Variants in UIMC1 observed in about 807,000 individuals in gnomAD.
The protein encoded by UIMC1 is BRCA1-A complex subunit RAP80.
Under a neutral mutation model 84.9 loss-of-function variants are expected in UIMC1, and 42 were observed. The ratio of observed to expected loss-of-function variants is 0.49; its 90% CI spans 0.39 to 0.64. The LOEUF is 0.64. Among genes scored for constraint, UIMC1 ranks in the 30% least tolerant of loss-of-function variants. The pLI is 0.00. For synonymous variants in UIMC1, 281 were observed against 293.0 expected (o/e 0.96, Z 0.42); for missense variants, 825 against 847.6 (o/e 0.97, Z 0.33).
chr5:176,909,193 T>A (rs1283280202), intron 11 of UIMC1, among the ~76,000 whole-genome samples: 1 of 152,242 alleles, frequency 6.6e-6, no homozygotes, highest in Non-Finnish European at 1.5e-5. Context: ...CAACATCAAC[T>A]AAGAAGTTAC....
At chr5:176,927,944 T>C (rs904434076) in intron 10 of UIMC1, among the ~76,000 whole-genome samples, 2 of 151,198 alleles carry the variant, frequency 1.3e-5, no homozygotes, top group Non-Finnish European at 2.9e-5. Flanking sequence ...CTCTGACTCC[T>C]GGGTTCACGT....
At chr5:176,912,502 CA>C (rs1760365269) in intron 10 of UIMC1, among the ~76,000 whole-genome samples, 1 of 142,194 alleles carries the variant, frequency 7.0e-6, no homozygotes, top group African/African-American at 2.6e-5. Flanking sequence ...GACATAGTCT[CA>C]CTCTTCTTGC....
intron 10 of UIMC1, among the ~76,000 whole-genome samples, chr5:176,937,121 A>G (rs765512067): frequency 6.6e-6 from 1 of 152,194 alleles, no homozygotes; most frequent in Non-Finnish European, 1.5e-5. Flanking sequence ...CATTTTCCAG[A>G]AAGTAAATGC....
intron 10 of UIMC1, among the ~76,000 whole-genome samples, chr5:176,913,919 G>A (rs1232317945): frequency 1.3e-5 from 2 of 152,220 alleles, no homozygotes; most frequent in Non-Finnish European, 2.9e-5. Flanking sequence ...TGAGGCTGCA[G>A]TGAGCTGAGA....
rs371276909 is a variant in UIMC1 at position 176,969,133 on chromosome 5, C to A, written c.622G>T (p.Val208Leu). The change falls in exon 6 of 15, where the codon GTG becomes TTG. Residue 208 changes from valine (V) to leucine (L), a missense_variant. Coordinates refer to ENST00000511320, the MANE Select transcript of UIMC1 (RefSeq NM_001199298.2). ...SGSWDQSSQPVFENVNVKSFD... is the reference protein window; with the variant it reads ...SGSWDQSSQPLFENVNVKSFD... ...GATTTAACGTTCACATTCTCAAACA[C>A]TGGCTGGCTTGACTGGTCCCAGCTT... The A allele has an allele frequency of 1.7e-5, 27 of 1,614,132 alleles. No individual in the cohort carries two copies. The African/African-American group carries it at 3.2e-4, about 19-fold the overall frequency.
chr5:176,993,469 G>A (rs1258626291), intron 1 of UIMC1, among the ~76,000 whole-genome samples: 1 of 152,096 alleles, frequency 6.6e-6, no homozygotes, highest in Non-Finnish European at 1.5e-5. Context: ...GATTACAGAT[G>A]TGAGCCTCCA....
intron 1 of UIMC1, among the ~76,000 whole-genome samples, chr5:177,019,024 T>C (rs1008477148): frequency 6.6e-6 from 1 of 152,130 alleles, no homozygotes; most frequent in Non-Finnish European, 1.5e-5. Flanking sequence ...CTAGAACTCT[T>C]AAGATAAATA....
intron 10 of UIMC1, among the ~76,000 whole-genome samples, chr5:176,925,143 T>C (rs1762233481): frequency 6.6e-6 from 1 of 151,628 alleles, no homozygotes; most frequent in Admixed American, 6.6e-5. Context: ...TACAAAGAAC[T>C]CCTATCTCAA....
chr5:176,941,389 G>A (rs1488268454), intron 10 of UIMC1, among the ~76,000 whole-genome samples: 1 of 152,106 alleles, frequency 6.6e-6, no homozygotes, highest in Non-Finnish European at 1.5e-5. Flanking sequence ...TATGTAAATA[G>A]TGCCTAATTT....
At chr5:176,935,907 G>A (rs1326772146) in intron 10 of UIMC1, among the ~76,000 whole-genome samples, 2 of 151,952 alleles carry the variant, frequency 1.3e-5, no homozygotes, top group Non-Finnish European at 2.9e-5. Context: ...AGATATCCCC[G>A]AAGAGAAAGT....
intron 10 of UIMC1, among the ~76,000 whole-genome samples, chr5:176,929,055 C>T (rs1762752018): frequency 1.3e-5 from 2 of 151,426 alleles, no homozygotes; most frequent in South Asian, 2.1e-4. Flanking sequence ...AGTTTGAGAC[C>T]AGCCTGGCCA....
intron 9 of UIMC1, among the ~76,000 whole-genome samples, chr5:176,945,134 G>A (rs143850830): frequency 1.1e-4 from 16 of 152,252 alleles, no homozygotes; most frequent in East Asian, 5.8e-4. Context: ...TTCTGGAAGC[G>A]GATCCTGCAA....
intron 2 of UIMC1, among the ~76,000 whole-genome samples, chr5:176,977,105 C>A (rs1254987031): frequency 6.6e-6 from 1 of 151,878 alleles, no homozygotes; most frequent in East Asian, 1.9e-4. Context: ...TGCCTGTAAT[C>A]CCAGCTACTC....
rs767429885 is a variant in UIMC1, at chr5:176,908,653, C to T, written c.1718G>A (p.Arg573Lys). 56 of 1,614,032 alleles carry T rather than the reference C, an allele frequency of 3.5e-5. 1 individual carries two copies. In the Admixed American group the frequency reaches 9.2e-4, roughly 26 times the overall value. Residue 573 changes from arginine (R) to lysine (K), a missense_variant, in exon 12 of 15, where the codon AGA (arginine) becomes AAA (lysine). Transcript: ENST00000511320. ...CYLCKSLVPF[R>K]EYQCHVDSCL... The stretch of plus-strand genomic sequence containing the variant: ...GGAGTCCACATGACACTGATACTCT[C>T]TAAATGGGACCAGGGATTTACAGAG...
intron 2 of UIMC1, among the ~76,000 whole-genome samples, chr5:176,977,206 A>G (rs772988917): frequency 2.0e-5 from 3 of 147,304 alleles, no homozygotes; most frequent in Non-Finnish European, 4.5e-5. Flanking sequence ...CTGGGGCAAG[A>G]GAGTAAGATT....
intron 10 of UIMC1, among the ~76,000 whole-genome samples, chr5:176,927,226 G>A (rs67495028): frequency 0.28 from 14,958 of 54,154 alleles, 1,755 homozygotes; most frequent in African/African-American, 0.54. Flanking sequence ...AAAAAAAAAA[G>A]CACCAGTAGT....
At chr5:177,010,246 A>G (rs1251256712), upstream of UIMC1, among the ~76,000 whole-genome samples, 1 of 152,290 alleles carries the variant, frequency 6.6e-6, no homozygotes, top group Non-Finnish European at 1.5e-5. Context: ...ATCTACATGT[A>G]TCATCACGCA....
upstream of UIMC1, among the ~76,000 whole-genome samples, chr5:177,007,382 A>G (rs898787843): frequency 2.6e-4 from 40 of 151,492 alleles, no homozygotes; most frequent in African/African-American, 9.8e-4. Flanking sequence ...GAAAAGAAAA[A>G]TACAGACACT....
intron 8 of UIMC1, among the ~76,000 whole-genome samples, chr5:176,955,310 A>G (rs1490754665): frequency 6.6e-6 from 1 of 152,242 alleles, no homozygotes; most frequent in East Asian, 1.9e-4. Context: ...AGCAAACTAA[A>G]GCACTTAACG....
Sources: allele counts gnomAD v4.1 joint callset (sites outside exome capture counted in the v4.1 genomes callset), GRCh38; gene constraint gnomAD v4.1.1; transcripts MANE v1.5; gene names NCBI Gene and HGNC (gene_info 2026-07-23, HGNC 2026-07-21).